Variants in ABLIM1 observed in about 807,000 individuals in gnomAD.
ABLIM1 encodes actin binding LIM protein 1.
Under a neutral mutation model 107.0 loss-of-function variants are expected in ABLIM1, and 40 were observed. That is an observed-to-expected ratio of 0.37 (90% CI 0.29 to 0.49). The LOEUF is 0.49. ABLIM1 is among the 20% of genes least tolerant of loss of function. The pLI is 0.97. For missense variants in ABLIM1, 857 were observed against 1,008.5 expected, an observed-to-expected ratio of 0.85 and a Z score of 2.04; for synonymous variants, 357 against 357.3, an observed-to-expected ratio of 1.00 and a Z score of 0.01.
At chr10:114,633,345 T>C (rs988222767) in intron 1 of ABLIM1, among the ~76,000 whole-genome samples, 1 of 152,124 alleles carries the variant, frequency 6.6e-6, no homozygotes, top group African/African-American at 2.4e-5. Context: ...TTCTTCACAT[T>C]CATCTTGGGC....
chr10:114,609,178 G>A (rs1177337828), intron 1 of ABLIM1, among the ~76,000 whole-genome samples: 1 of 152,128 alleles, frequency 6.6e-6, no homozygotes, highest in African/African-American at 2.4e-5. Context: ...TGTGATCACA[G>A]ACAGTCTGAC....
At chr10:114,557,144 G>A (rs537490397) in intron 4 of ABLIM1, among the ~76,000 whole-genome samples, 31 of 152,236 alleles carry the variant, frequency 2.0e-4, no homozygotes, top group African/African-American at 7.0e-4. Flanking sequence ...TCAGATTTAC[G>A]AATAATGGCT....
intron 1 of ABLIM1, among the ~76,000 whole-genome samples, chr10:114,701,578 G>A (rs1231666678): frequency 6.6e-6 from 1 of 152,082 alleles, no homozygotes; most frequent in Non-Finnish European, 1.5e-5. Flanking sequence ...ATATTACTCA[G>A]CAATAAAAAG....
At chr10:114,452,384 G>A (rs2062046546) in intron 13 of ABLIM1, among the ~76,000 whole-genome samples, 1 of 152,096 alleles carries the variant, frequency 6.6e-6, no homozygotes, top group Non-Finnish European at 1.5e-5. Flanking sequence ...CGTGGGCACT[G>A]TATCTTGGTG....
chr10:114,720,888 G>A (rs190881177), intron 1 of ABLIM1, among the ~76,000 whole-genome samples: 103 of 152,216 alleles, frequency 6.8e-4, no homozygotes, highest in Admixed American at 2.0e-3. Context: ...AAATAAACAA[G>A]CAAGAATAAC....
intron 1 of ABLIM1, among the ~76,000 whole-genome samples, chr10:114,757,878 C>T (rs961417107): frequency 6.6e-6 from 1 of 152,152 alleles, no homozygotes; most frequent in African/African-American, 2.4e-5. Context: ...CACCCTCCTT[C>T]CCCCAACTAC....
chr10:114,616,543 G>A (rs1243900161), intron 1 of ABLIM1, among the ~76,000 whole-genome samples: 1 of 152,222 alleles, frequency 6.6e-6, no homozygotes, highest in Non-Finnish European at 1.5e-5. Context: ...GCCACAGGAA[G>A]CCACTGATGT....
At chr10:114,610,578 A>G (rs1054997415) in intron 1 of ABLIM1, 1 of 152,220 alleles carries the variant, frequency 6.6e-6, no homozygotes, top group African/African-American at 2.4e-5. Flanking sequence ...CCAGAAAACA[A>G]GAAACTCAAC....
chr10:114,624,642 G>A (rs940051473), intron 1 of ABLIM1, among the ~76,000 whole-genome samples: 3 of 152,022 alleles, frequency 2.0e-5, no homozygotes, highest in East Asian at 3.9e-4. Flanking sequence ...CAAGAGCCTT[G>A]AACACATTCA....
chr10:114,672,307 C>T (rs1346179678), intron 1 of ABLIM1, among the ~76,000 whole-genome samples: 1 of 152,054 alleles, frequency 6.6e-6, no homozygotes, highest in Non-Finnish European at 1.5e-5. Flanking sequence ...TTCAAGCAAT[C>T]CTCCCACTTC....
chr10:114,664,930 A>G (rs1464051912), intron 1 of ABLIM1, among the ~76,000 whole-genome samples: 1 of 151,018 alleles, frequency 6.6e-6, no homozygotes, highest in Non-Finnish European at 1.5e-5. Flanking sequence ...CAGCCTGGCT[A>G]ACAAGGTGAA....
At chr10:114,617,256 CTTTTTTTTTTT>C (rs780987027) in intron 1 of ABLIM1, among the ~76,000 whole-genome samples, 1 of 120,466 alleles carries the variant, frequency 8.3e-6, no homozygotes, top group Non-Finnish European at 1.7e-5. Context: ...TCACTACCTA[CTTTTTTTTTTT>C]TTTTTTTTTT....
At chr10:114,454,263 G>A (rs1269479818) in intron 12 of ABLIM1, among the ~76,000 whole-genome samples, 6 of 152,102 alleles carry the variant, frequency 3.9e-5, no homozygotes, top group Admixed American at 3.9e-4. Context: ...GGACTTAGAG[G>A]CTATCTAAGG....
chr10:114,537,291 G>T (rs11196781), intron 6 of ABLIM1, among the ~76,000 whole-genome samples: 34,098 of 151,788 alleles, frequency 0.22, 4,413 homozygotes, highest in East Asian at 0.34. Flanking sequence ...ATATTTATGG[G>T]GTTCATATGA....
At chr10:114,442,110 T>C (rs1180923702) in intron 17 of ABLIM1, among the ~76,000 whole-genome samples, 1 of 152,198 alleles carries the variant, frequency 6.6e-6, no homozygotes, top group Non-Finnish European at 1.5e-5. Context: ...AACACTATGA[T>C]TATTAGTTCC....
intron 6 of ABLIM1, among the ~76,000 whole-genome samples, chr10:114,495,396 G>A (rs1295342002): frequency 6.6e-6 from 1 of 152,014 alleles, no homozygotes; most frequent in East Asian, 1.9e-4. Context: ...TGATGGTGGT[G>A]GTGATGGTGA....
At chr10:114,773,983 C>G in the ABLIM1 span, among the ~76,000 whole-genome samples, 1 of 151,292 alleles carries the variant, frequency 6.6e-6, no homozygotes, top group South Asian at 2.1e-4. Context: ...AATATCAATA[C>G]ATTTGAAATG....
At chr10:114,633,201 G>T (rs1434174730) in intron 1 of ABLIM1, among the ~76,000 whole-genome samples, 1 of 152,198 alleles carries the variant, frequency 6.6e-6, no homozygotes, top group Admixed American at 6.5e-5. Context: ...ATTGTAACAT[G>T]TTGAGTCTAA....
Position 114,473,042 on chromosome 10 carries a change from T to C in ABLIM1, c.1210A>G (p.Ile404Val). 2 of 1,613,498 alleles carry C rather than the reference T, an allele frequency of 1.2e-6. No homozygotes were observed. Among genetic ancestry groups the C allele is most frequent in the Non-Finnish European group, 1.7e-6 (2 of 1,179,658 alleles). Residue 404 changes from isoleucine to valine, a missense_variant, in exon 10 of 23, where the codon ATT becomes GTT. Ile to Val is a conservative substitution (Grantham distance 29). Coordinates refer to ENST00000533213, the MANE Select transcript of ABLIM1 (RefSeq NM_002313.7). Reference protein sequence around the residue: ...AIYDIERPDLITYEPFYTSGY... With the variant: ...AIYDIERPDLVTYEPFYTSGY... The stretch of plus-strand genomic sequence containing the variant: ...GAAGTGTAGAAAGGCTCATAGGTAA[T>C]AAGATCTGGACGTTCAATGTCATAA...
Sources: gnomAD v4.1 joint callset for allele counts (sites outside exome capture counted in the v4.1 genomes callset) on GRCh38, gnomAD v4.1.1 for gene constraint, MANE v1.5 for transcripts, NCBI Gene and HGNC (gene_info 2026-07-23, HGNC 2026-07-21) for gene names.